The following CSMD1 variants were observed in gnomAD, a reference collection of about 807,000 sequenced individuals.
CSMD1 encodes CUB and sushi domain-containing protein 1.
CSMD1 carries 213 observed loss-of-function variants against 417.5 expected under a neutral mutation model. The ratio of observed to expected loss-of-function variants is 0.51; its 90% confidence interval spans 0.46 to 0.57. The LOEUF (loss-of-function observed/expected upper bound fraction) is 0.57, where lower values mean the gene tolerates loss of function less well. Ranked by LOEUF, CSMD1 falls within the 20% of genes least tolerant of loss-of-function variation. The pLI is 0.00. For missense variants in CSMD1, 6,923 were observed against 4,529.7 expected, an observed-to-expected ratio of 1.53 and a Z score of -15.17; for synonymous variants, 2,862 against 1,736.8, an observed-to-expected ratio of 1.65 and a Z score of -16.11.
chr8:4,826,177 G>C (rs745957416), intron 1 of CSMD1, among the ~76,000 whole-genome samples: 1 of 152,032 alleles, frequency 6.6e-6, no homozygotes, highest in Non-Finnish European at 1.5e-5. Context: ...GTAGAGACAT[G>C]AGTACCCCAG....
chr8:3,900,122 G>T (rs772782566), intron 5 of CSMD1, among the ~76,000 whole-genome samples: 1 of 151,904 alleles, frequency 6.6e-6, no homozygotes, highest in East Asian at 1.9e-4. Context: ...CTGTAGCTGG[G>T]TGACACTGCA....
chr8:3,826,649 C>G (rs1424032219), intron 5 of CSMD1, among the ~76,000 whole-genome samples: 2 of 152,190 alleles, frequency 1.3e-5, no homozygotes, highest in Non-Finnish European at 2.9e-5. Context: ...CTCTGTTTAT[C>G]TGCAGCTCGG....
chr8:3,558,914 G>A (rs1799345027), intron 10 of CSMD1, among the ~76,000 whole-genome samples: 1 of 152,142 alleles, frequency 6.6e-6, no homozygotes, highest in Non-Finnish European at 1.5e-5. Flanking sequence ...AAAGCGTCCT[G>A]GGGCAGCACC....
At chr8:4,167,509 A>C (rs891975566) in intron 3 of CSMD1, among the ~76,000 whole-genome samples, 5 of 152,154 alleles carry the variant, frequency 3.3e-5, no homozygotes, top group Non-Finnish European at 7.4e-5. Flanking sequence ...CATTTTCTAA[A>C]ATGTATGTAG....
intron 2 of CSMD1, among the ~76,000 whole-genome samples, chr8:4,459,660 A>C (rs1031421895): frequency 6.6e-6 from 1 of 152,198 alleles, no homozygotes; most frequent in Non-Finnish European, 1.5e-5. Context: ...CCTCAAAAAT[A>C]TCTCCTGCAA....
At chr8:4,786,997 C>T (rs535123435) in intron 1 of CSMD1, among the ~76,000 whole-genome samples, 1 of 152,120 alleles carries the variant, frequency 6.6e-6, no homozygotes, top group African/African-American at 2.4e-5. Context: ...CTGGAGAGAC[C>T]CCGTGTGTGT....
intron 3 of CSMD1, among the ~76,000 whole-genome samples, chr8:4,197,435 C>T (rs894255679): frequency 6.6e-6 from 1 of 152,112 alleles, no homozygotes; most frequent in African/African-American, 2.4e-5. Flanking sequence ...AGCAGATTTC[C>T]TTCTGTAATG....
At chr8:3,736,393 A>C (rs1473715883) in intron 6 of CSMD1, among the ~76,000 whole-genome samples, 2 of 151,558 alleles carry the variant, frequency 1.3e-5, no homozygotes, top group Non-Finnish European at 2.9e-5. Context: ...GGTGCAAATC[A>C]CCACCATGCA....
intron 3 of CSMD1, among the ~76,000 whole-genome samples, chr8:4,059,776 G>C (rs1452140527): frequency 6.6e-6 from 1 of 151,870 alleles, no homozygotes; most frequent in African/African-American, 2.4e-5. Context: ...ACCAATAACA[G>C]GAGCTGCAAT....
At chr8:4,243,918 T>C (rs1478884355) in intron 3 of CSMD1, among the ~76,000 whole-genome samples, 6 of 152,228 alleles carry the variant, frequency 3.9e-5, no homozygotes, top group Admixed American at 3.3e-4. Context: ...GCAGAGAGTT[T>C]GCTTCCCAAA....
chr8:3,523,553 GTGCACACAGA>G (rs1369485710), intron 10 of CSMD1, among the ~76,000 whole-genome samples: 2 of 151,076 alleles, frequency 1.3e-5, no homozygotes, highest in African/African-American at 2.4e-5. Context: ...CCAGACACAT[GTGCACACAGA>G]TGCACACACA....
chr8:3,885,059 CTACCATGCT>C (rs1464772440), intron 5 of CSMD1, among the ~76,000 whole-genome samples: 1 of 151,806 alleles, frequency 6.6e-6, no homozygotes. Flanking sequence ...GTCTATGATT[CTACCATGCT>C]TATAAAGCAA....
intron 1 of CSMD1, among the ~76,000 whole-genome samples, chr8:4,923,879 T>C (rs1806669622): frequency 1.3e-5 from 2 of 152,190 alleles, no homozygotes; most frequent in Admixed American, 1.3e-4. Flanking sequence ...ATAGGCAGTA[T>C]CCAAACTTTA....
intron 3 of CSMD1, among the ~76,000 whole-genome samples, chr8:4,243,163 C>G (rs1802501836): frequency 6.6e-6 from 1 of 151,982 alleles, no homozygotes; most frequent in Non-Finnish European, 1.5e-5. Flanking sequence ...AGGGAGAGTG[C>G]TTGCATGGAA....
intron 25 of CSMD1, among the ~76,000 whole-genome samples, chr8:3,296,575 G>A (rs1048255814): frequency 1.1e-4 from 16 of 152,168 alleles, no homozygotes; most frequent in Non-Finnish European, 2.4e-4. Flanking sequence ...ATGCCATGGA[G>A]GGAAAATGAC....
intron 10 of CSMD1, among the ~76,000 whole-genome samples, chr8:3,518,982 T>A (rs1797393475): frequency 6.6e-6 from 1 of 152,218 alleles, no homozygotes; most frequent in Non-Finnish European, 1.5e-5. Flanking sequence ...ACTTTTAAAC[T>A]GAAATATAAA....
intron 2 of CSMD1, among the ~76,000 whole-genome samples, chr8:4,543,788 C>T (rs1362357940): frequency 1.3e-5 from 2 of 151,292 alleles, no homozygotes; most frequent in South Asian, 4.2e-4. Flanking sequence ...CATATTCTCA[C>T]CAGCATTTGA....
intron 1 of CSMD1, among the ~76,000 whole-genome samples, chr8:4,752,904 C>G (rs759942494): frequency 6.6e-6 from 1 of 152,190 alleles, no homozygotes; most frequent in Non-Finnish European, 1.5e-5. Flanking sequence ...ACCACACTTT[C>G]CAGCGCTATT....
chr8:3,950,257 T>C lies in CSMD1; in HGVS notation c.818+47646A>G, dbSNP rs184682213. 2.4e-3 allele frequency among the ~76,000 whole-genome samples: 368 copies of C among 152,304 alleles called. 2 individuals carry two copies. The highest frequency in any genetic ancestry group is 8.2e-3 in the African/African-American group (342 of 41,570). Reference sequence around the variant, plus strand: ...AAGAATTATGATGATGAATTAGTAGTTTGATACTTAAACACAAATTATCAA... The same window carrying C: ...AAGAATTATGATGATGAATTAGTAGCTTGATACTTAAACACAAATTATCAA... On this transcript the variant is annotated intron_variant, in intron 5 of 69. Coordinates refer to ENST00000635120, the MANE Select transcript of CSMD1 (RefSeq NM_033225.6).
Sources: gnomAD v4.1 joint callset for allele counts (sites outside exome capture counted in the v4.1 genomes callset) on GRCh38, gnomAD v4.1.1 for gene constraint, MANE v1.5 for transcripts, NCBI Gene and HGNC (gene_info 2026-07-23, HGNC 2026-07-21) for gene names.